The following GBF1 variants were observed in gnomAD, a reference collection of about 807,000 sequenced individuals.
The protein encoded by GBF1 is golgi brefeldin A resistant guanine nucleotide exchange factor 1.
In GBF1, 114 loss-of-function variants were observed where a neutral mutation model predicts 210.5. The observed-to-expected ratio is 0.54, with a 90% confidence interval of 0.47 to 0.63. The LOEUF (loss-of-function observed/expected upper bound fraction) is 0.63. GBF1 is among the 30% of genes least tolerant of loss of function. The pLI is 0.00. For synonymous variants in GBF1, 850 were observed against 889.2 expected (o/e 0.96, Z 0.78); for missense variants, 1,851 against 2,357.7 (o/e 0.79, Z 4.45).
chr10:102,364,502 T>G (rs936414108), intron 17 of GBF1, among the ~76,000 whole-genome samples: 25 of 148,496 alleles, frequency 1.7e-4, no homozygotes, highest in Admixed American at 1.3e-4. Context: ...GGGATTACAG[T>G]CGTGAGCCAC....
chr10:102,343,943 T>G (rs1336366752), intron 3 of GBF1, 108 bp from the exon 4 acceptor site: 1 of 773,180 alleles, frequency 1.3e-6, no homozygotes, highest in African/African-American at 1.7e-5. Flanking sequence ...GGAAGAAGAT[T>G]GACCCAACAA....
chr10:102,339,084 C>T (rs1234368460), intron 3 of GBF1, among the ~76,000 whole-genome samples: 2 of 151,896 alleles, frequency 1.3e-5, no homozygotes, highest in South Asian at 4.2e-4. Context: ...TAGTATAAGC[C>T]GGGCATGGTG....
intron 1 of GBF1, among the ~76,000 whole-genome samples, chr10:102,255,939 A>C (rs2072286314): frequency 6.6e-6 from 1 of 152,182 alleles, no homozygotes; most frequent in African/African-American, 2.4e-5. Context: ...TGTCATGGGC[A>C]TGGACACATT....
rs200940534 is a variant in GBF1, at chr10:102,345,281, CAA to C, written c.295+1114_295+1115del. Among the ~76,000 whole-genome samples the C allele has an allele frequency of 3.0e-3, 300 of 98,506 alleles. 1 individual carries two copies. The highest frequency in any genetic ancestry group is 0.01 in the African/African-American group (235 of 23,500). The allele number at this position is 98,506 out of a possible 152,430, so 64.6% of individuals were successfully genotyped here. A position where few individuals can be genotyped will look rare whatever the true frequency, so the allele number is the denominator to read the frequency against. The stretch of plus-strand genomic sequence containing the variant: ...TGAGCAACAGAGCGAGACTCTGTCT[CAA>C]AAAAAAAAAAAAAAGAATAGAATAA... On this transcript the variant is annotated intron_variant, in intron 4 of 39. Transcript: ENST00000369983.
chr10:102,264,085 G>A (rs1458579317), intron 3 of GBF1, among the ~76,000 whole-genome samples: 2 of 152,206 alleles, frequency 1.3e-5, no homozygotes, highest in African/African-American at 4.8e-5. Flanking sequence ...AGTAGCGATG[G>A]TTGCACAACT....
At chr10:102,250,871 C>A (rs909795794) in intron 1 of GBF1, among the ~76,000 whole-genome samples, 2 of 152,052 alleles carry the variant, frequency 1.3e-5, no homozygotes, top group Admixed American at 1.3e-4. Flanking sequence ...GCAGGAGAAT[C>A]ACTTGAACCC....
chr10:102,246,403 T>C (rs1258140586), intron 1 of GBF1, among the ~76,000 whole-genome samples: 5 of 152,212 alleles, frequency 3.3e-5, no homozygotes, highest in African/African-American at 9.6e-5. Context: ...ACACTATACT[T>C]ATCTTCTGGG....
chr10:102,364,217 C>CTTTTTTTTTT (rs1031275118), intron 17 of GBF1, among the ~76,000 whole-genome samples: 8 of 66,936 alleles, frequency 1.2e-4, no homozygotes, highest in Non-Finnish European at 1.9e-4. Context: ...CTTTGGATTT[C>CTTTTTTTTTT]TTTTTTTTTT....
In GBF1 at chr10:102,379,887, A is replaced by G. The variant is rs1337118498; in HGVS notation, c.4811A>G (p.Asn1604Ser). The change falls in exon 36 of 40, where the codon AAC becomes AGC. Residue 1604 changes from asparagine to serine, a missense_variant. This residue lies in a region of GBF1 where 967 missense variants were observed against 1,247.7 expected (regional missense o/e 0.78). Transcript: ENST00000369983. ...LFPLLTKLLE[N>S]ISPADVGGME... ...CCTCTACTTACCAAGCTCTTGGAGAACATCAGCCCTGCAGATGTGGGTGGG... is the reference window on the plus strand; with the variant it reads ...CCTCTACTTACCAAGCTCTTGGAGAGCATCAGCCCTGCAGATGTGGGTGGG... 1 of 1,613,674 alleles carries G rather than the reference A, an allele frequency of 6.2e-7. No homozygotes were observed. The highest frequency in any genetic ancestry group is 8.5e-7 in the Non-Finnish European group (1 of 1,179,784).
At chr10:102,378,778 CAA>C (rs1202883926) in intron 33 of GBF1, among the ~76,000 whole-genome samples, 1 of 152,066 alleles carries the variant, frequency 6.6e-6, no homozygotes, top group East Asian at 1.9e-4. Flanking sequence ...TACAAAAATA[CAA>C]AAAATTAGCT....
In GBF1 at chr10:102,375,600, G is replaced by A. The variant is rs1243493441; in HGVS notation, c.3886+16G>A. The stretch of plus-strand genomic sequence containing the variant: ...CCTGATGCCGGTAAGCCCTTTCCCA[G>A]GGAGACTCAGGCTGGCAGATAAACA... On this transcript the variant is annotated intron_variant, in intron 30 of 39. Transcript: ENST00000369983. 5 of 1,523,660 alleles carry A rather than the reference G, an allele frequency of 3.3e-6. No individual in the cohort carries two copies. The highest frequency in any genetic ancestry group is 2.7e-6 in the Non-Finnish European group (3 of 1,099,420). The allele number at this position is 1,523,660 out of a possible 1,614,324, so 94.4% of individuals were successfully genotyped here. A position where few individuals can be genotyped will look rare whatever the true frequency, so the allele number is the denominator to read the frequency against.
At chr10:102,344,465 GGTTT>G (rs10635573) in intron 4 of GBF1, among the ~76,000 whole-genome samples, 136 of 150,596 alleles carry the variant, frequency 9.0e-4, no homozygotes, top group African/African-American at 1.5e-3. Flanking sequence ...AGTTTGGTTA[GGTTT>G]GTTTGTTTGT....
the GBF1 span, among the ~76,000 whole-genome samples, chr10:102,231,373 G>C: frequency 6.6e-6 from 1 of 152,196 alleles, no homozygotes; most frequent in Non-Finnish European, 1.5e-5. Context: ...ACGGTGTCAG[G>C]GCCGAAGAAG....
chr10:102,364,517 T>C (rs61875778), intron 17 of GBF1, among the ~76,000 whole-genome samples: 149,402 of 150,992 alleles, frequency 0.99, 73,937 homozygotes, highest in East Asian at 1. Flanking sequence ...AGCCACCATG[T>C]CTGGCCTGTA....
the GBF1 span, among the ~76,000 whole-genome samples, chr10:102,233,301 C>CT: frequency 1.1e-5 from 1 of 88,352 alleles, no homozygotes; most frequent in Non-Finnish European, 2.2e-5. Flanking sequence ...TTTTTTTTTC[C>CT]TTCTTTTTTT....
intron 3 of GBF1, among the ~76,000 whole-genome samples, chr10:102,327,913 C>G (rs997388402): frequency 2.6e-5 from 4 of 152,156 alleles, no homozygotes; most frequent in African/African-American, 9.7e-5. Flanking sequence ...GTTTTCCAAC[C>G]CTTTGAGGAT....
chr10:102,272,788 GT>G (rs1217752770), intron 3 of GBF1, among the ~76,000 whole-genome samples: 20 of 152,336 alleles, frequency 1.3e-4, no homozygotes, highest in East Asian at 7.7e-4. Context: ...AGAAGTGAGT[GT>G]TAATAATGAT....
At chr10:102,268,329 T>C (rs547971858) in intron 3 of GBF1, among the ~76,000 whole-genome samples, 4 of 152,348 alleles carry the variant, frequency 2.6e-5, no homozygotes, top group African/African-American at 9.6e-5. Flanking sequence ...CTACTGCATG[T>C]ATCAGAAAAG....
At chr10:102,314,621 C>T (rs1014163374) in intron 3 of GBF1, among the ~76,000 whole-genome samples, 1 of 152,206 alleles carries the variant, frequency 6.6e-6, no homozygotes, top group African/African-American at 2.4e-5. Context: ...CTTCTCCTGG[C>T]TTCAAGGCTT....
Sources: allele counts gnomAD v4.1 joint callset (sites outside exome capture counted in the v4.1 genomes callset), GRCh38; gene constraint gnomAD v4.1.1; regional missense constraint gnomAD v4.1.1; transcripts MANE v1.5; gene names NCBI Gene and HGNC (gene_info 2026-07-23, HGNC 2026-07-21).